Variants in MAGI2 observed in about 807,000 individuals in gnomAD.
MAGI2 encodes the protein membrane-associated guanylate kinase, WW and PDZ domain-containing protein 2.
In MAGI2, 35 loss-of-function variants were observed where a neutral mutation model predicts 133.3. The observed-to-expected ratio is 0.26, with a 90% confidence interval of 0.20 to 0.35. The LOEUF is 0.35. Ranked by LOEUF, MAGI2 falls within the 10% of genes least tolerant of loss-of-function variation. The pLI is 1.00. For missense variants in MAGI2, 1,636 were observed against 1,863.4 expected, an observed-to-expected ratio of 0.88 and a Z score of 2.25; for synonymous variants, 729 against 710.6, an observed-to-expected ratio of 1.03 and a Z score of -0.41.
intron 2 of MAGI2, among the ~76,000 whole-genome samples, chr7:78,991,264 T>C (rs557756264): frequency 6.6e-6 from 1 of 150,660 alleles, no homozygotes; most frequent in South Asian, 2.1e-4. Flanking sequence ...TTATAAATTA[T>C]TCAGTTTCAG....
Position 78,404,126 on chromosome 7 carries a change from T to A in MAGI2, c.1046-34913A>T, listed in dbSNP as rs536322403. On this transcript the variant is annotated intron_variant, in intron 6 of 21. Transcript: ENST00000354212. The stretch of plus-strand genomic sequence containing the variant: ...CTTACAAGGATTCCTTGTAAGGACC[T>A]CTTCAAGGAGAACTGCAAACCACTC... Among the ~76,000 whole-genome samples the A allele has an allele frequency of 5.9e-5, 9 of 152,194 alleles. No homozygotes were observed. The East Asian group carries it at 1.2e-3, about 20-fold the overall frequency.
At chr7:79,344,511 G>T (rs1177936723) in intron 1 of MAGI2, among the ~76,000 whole-genome samples, 3 of 152,018 alleles carry the variant, frequency 2.0e-5, no homozygotes, top group Non-Finnish European at 4.4e-5. Context: ...ATTTCAGTCA[G>T]GTTTACAGGC....
chr7:79,450,997 G>A (rs1197409969), intron 1 of MAGI2, among the ~76,000 whole-genome samples: 2 of 152,120 alleles, frequency 1.3e-5, no homozygotes, highest in African/African-American at 4.8e-5. Context: ...ATAGCTTTTC[G>A]CTATTTAATG....
chr7:79,189,312 C>CAAAA (rs34814587), intron 1 of MAGI2, among the ~76,000 whole-genome samples: 6,880 of 74,082 alleles, frequency 0.093, 383 homozygotes, highest in East Asian at 0.2. Context: ...TTTTTATAGG[C>CAAAA]AAAAAAAAAA....
At chr7:79,320,795 T>C (rs1839128277) in intron 1 of MAGI2, among the ~76,000 whole-genome samples, 1 of 152,110 alleles carries the variant, frequency 6.6e-6, no homozygotes, top group Non-Finnish European at 1.5e-5. Context: ...CATCACAAAA[T>C]AGGGAACTAT....
chr7:78,268,208 T>C (rs1257813887), intron 9 of MAGI2, among the ~76,000 whole-genome samples: 2 of 152,142 alleles, frequency 1.3e-5, no homozygotes, highest in African/African-American at 4.8e-5. Context: ...CTTTATTTTA[T>C]ATCAAGTTCC....
chr7:79,284,346 C>T (rs1835855144), intron 1 of MAGI2, among the ~76,000 whole-genome samples: 1 of 152,076 alleles, frequency 6.6e-6, no homozygotes, highest in Non-Finnish European at 1.5e-5. Context: ...AATGGACATC[C>T]ATGTGTCAAA....
At chr7:79,235,328 C>T (rs1054660124) in intron 1 of MAGI2, among the ~76,000 whole-genome samples, 8 of 151,870 alleles carry the variant, frequency 5.3e-5, no homozygotes, top group Admixed American at 3.3e-4. Flanking sequence ...CCACCCAGTT[C>T]GAGCTTCCCG....
intron 6 of MAGI2, among the ~76,000 whole-genome samples, chr7:78,454,724 A>T (rs1025829769): frequency 8.5e-5 from 13 of 152,212 alleles, no homozygotes; most frequent in African/African-American, 2.4e-5. Flanking sequence ...ACAGAATAGA[A>T]CATTATTTAG....
In MAGI2 at chr7:78,018,669, G is replaced by T. The variant is rs1366553688; in HGVS notation, c.*646C>A. 1 of 153,038 alleles carries T rather than the reference G, an allele frequency of 6.5e-6. No individual in the cohort carries two copies. Among genetic ancestry groups the T allele is most frequent in the Non-Finnish European group, 1.5e-5 (1 of 68,440 alleles). The allele number at this position is 153,038 out of a possible 1,614,324, so 9.5% of individuals were successfully genotyped here. ...GGCAATAAAAATGGCATCACACCAA[G>T]AAACTCACTAGATTTCTAAGTCATC... On this transcript the variant is annotated 3_prime_UTR_variant, in exon 22 of 22. Transcript: ENST00000354212.
At chr7:78,461,638 G>A (rs1013701396) in intron 6 of MAGI2, among the ~76,000 whole-genome samples, 5 of 151,946 alleles carry the variant, frequency 3.3e-5, no homozygotes, top group African/African-American at 9.7e-5. Flanking sequence ...CAGGCCAGAC[G>A]CAGTGGCTCA....
intron 2 of MAGI2, among the ~76,000 whole-genome samples, chr7:78,892,090 C>G (rs1335654186): frequency 2.0e-5 from 3 of 152,120 alleles, no homozygotes; most frequent in African/African-American, 4.8e-5. Context: ...CAATAGCAGA[C>G]AAACAGAGAG....
chr7:78,631,670 G>A (rs1809019360), intron 2 of MAGI2, among the ~76,000 whole-genome samples: 1 of 152,206 alleles, frequency 6.6e-6, no homozygotes, highest in Admixed American at 6.5e-5. Flanking sequence ...GATGGAAAAT[G>A]TGAGAAGACA....
intron 11 of MAGI2, among the ~76,000 whole-genome samples, chr7:78,198,792 A>T (rs1389427246): frequency 1.3e-5 from 2 of 152,192 alleles, no homozygotes; most frequent in East Asian, 3.9e-4. Context: ...GGGGTAGTTT[A>T]AATCATCCCC....
chr7:78,882,719 A>T (rs1795971995), intron 2 of MAGI2, among the ~76,000 whole-genome samples: 2 of 152,180 alleles, frequency 1.3e-5, no homozygotes, highest in Admixed American at 1.3e-4. Context: ...AAATCAATAA[A>T]TGTGATTCAT....
At chr7:79,194,158 T>C (rs79530103) in intron 1 of MAGI2, among the ~76,000 whole-genome samples, 1,653 of 151,990 alleles carry the variant, frequency 0.011, 43 homozygotes, top group African/African-American at 0.038. Flanking sequence ...TATCAAAATG[T>C]GGAGAAATTA....
At chr7:78,405,177 A>T (rs2109393) in intron 6 of MAGI2, among the ~76,000 whole-genome samples, 31,011 of 151,958 alleles carry the variant, frequency 0.2, 3,360 homozygotes, top group South Asian at 0.24. Flanking sequence ...ATTTATGCAA[A>T]CTTAGCTTCC....
At chr7:78,244,349 G>T (rs1056071795) in intron 10 of MAGI2, among the ~76,000 whole-genome samples, 3 of 151,668 alleles carry the variant, frequency 2.0e-5, no homozygotes, top group African/African-American at 7.3e-5. Context: ...ACTGAGCCCT[G>T]GCAAGACAGA....
intron 1 of MAGI2, among the ~76,000 whole-genome samples, chr7:79,395,873 A>G (rs79425860): frequency 1.3e-5 from 2 of 152,202 alleles, no homozygotes; most frequent in East Asian, 3.8e-4. Context: ...TGCTGGATGA[A>G]TGAGTGAATT....
Sources: gnomAD v4.1 joint callset for allele counts (sites outside exome capture counted in the v4.1 genomes callset) on GRCh38, gnomAD v4.1.1 for gene constraint, MANE v1.5 for transcripts, NCBI Gene and HGNC (gene_info 2026-07-23, HGNC 2026-07-21) for gene names.